SLC13A5: variants seen among roughly 807,000 people sequenced by gnomAD.
The protein encoded by SLC13A5 is solute carrier family 13 member 5.
SLC13A5 carries 25 observed loss-of-function variants against 56.5 expected under a neutral mutation model. The observed-to-expected ratio is 0.44, with a 90% CI of 0.32 to 0.62. The LOEUF is 0.62. Among genes scored for constraint, SLC13A5 ranks in the 20% least tolerant of loss-of-function variants. The probability of loss-of-function intolerance (pLI) is 0.04; values close to 1 mark genes in which losing one functional copy is unlikely to be tolerated. For synonymous variants in SLC13A5, 307 were observed against 301.5 expected, an observed-to-expected ratio of 1.02 and a Z score of -0.19; for missense variants, 649 against 737.8, an observed-to-expected ratio of 0.88 and a Z score of 1.39.
intron 10 of SLC13A5, chr17:6,690,153 A>T (rs1219769600): frequency 6.7e-6 from 1 of 149,912 alleles, no homozygotes; most frequent in Non-Finnish European, 1.5e-5. Context: ...ACTCAAAAAC[A>T]TGCTAGTCCA....
chr17:6,703,505 G>A (rs1225991897), intron 4 of SLC13A5, among the ~76,000 whole-genome samples: 2 of 152,208 alleles, frequency 1.3e-5, no homozygotes, highest in East Asian at 3.9e-4. Flanking sequence ...AGCAGAGAGT[G>A]GAAGGATTTG....
chr17:6,685,436 C>G lies in SLC13A5; in HGVS notation c.*771G>C, dbSNP rs1973215873. The G allele has an allele frequency of 6.6e-6, 1 of 152,256 alleles. No individual in the cohort carries two copies. Among genetic ancestry groups the G allele is most frequent in the South Asian group, 2.1e-4 (1 of 4,832 alleles). The allele number at this position is 152,256 out of a possible 1,614,324, so 9.4% of individuals were successfully genotyped here. A position where few individuals can be genotyped will look rare whatever the true frequency, so the allele number is the denominator to read the frequency against. On this transcript the variant is annotated 3_prime_UTR_variant, in exon 12 of 12. Transcript: ENST00000433363. The surrounding 1 kb of genome is among the most constrained non-coding windows in gnomAD (Gnocchi z 4.2). ...CCAAGGCGTCTCGGCAAATGTTGAC[C>G]CAGACAACAGGGGACCAAGGAGTTG... is the stretch of plus-strand genomic sequence containing the variant.
chr17:6,709,834 C>T (rs1261129598), intron 1 of SLC13A5, among the ~76,000 whole-genome samples: 3 of 152,166 alleles, frequency 2.0e-5, no homozygotes, highest in Admixed American at 1.3e-4. Context: ...CCCTCAGCCT[C>T]GGCACACTGA....
At chr17:6,693,341 T>C (rs191618414) in intron 8 of SLC13A5, 179 bp from the exon 9 acceptor site, 12 of 555,848 alleles carry the variant, frequency 2.2e-5, no homozygotes, top group African/African-American at 5.7e-5. Context: ...CAATAATATA[T>C]ACATTGCTGG....
chr17:6,703,238 A>G, intron 4 of SLC13A5, 100 bp from the exon 5 acceptor site: 1 of 1,446,298 alleles, frequency 6.9e-7, no homozygotes, highest in South Asian at 1.3e-5. Flanking sequence ...GGGAAATCCC[A>G]GCTCTGCTGA....
In SLC13A5 at chr17:6,713,036, C is replaced by A. The variant is rs931785173; in HGVS notation, c.102+196G>T. On this transcript the variant is annotated intron_variant, in intron 1 of 11. Coordinates refer to ENST00000433363, the MANE Select transcript of SLC13A5 (RefSeq NM_177550.5). This position sits in a 1 kb window ranked among gnomAD's most constrained non-coding sequence, Gnocchi z 7.3. ...CTGTAAACCCCAAGGGTGGTGCGCC[C>A]TGGGGTCGCCATGCCCCTCAGATTC... 2.0e-5 allele frequency among the ~76,000 whole-genome samples: 3 copies of A among 152,184 alleles called. No individual in the cohort carries two copies. Among genetic ancestry groups the A allele is most frequent in the Admixed American group, 2.0e-4 (3 of 15,286 alleles).
intron 3 of SLC13A5, among the ~76,000 whole-genome samples, chr17:6,706,046 T>G (rs978521542): frequency 6.6e-6 from 1 of 152,152 alleles, no homozygotes; most frequent in Non-Finnish European, 1.5e-5. Flanking sequence ...TTGTAGACAC[T>G]CAATATACCC....
intron 3 of SLC13A5, chr17:6,705,596 G>T (rs1301069841): frequency 6.6e-6 from 1 of 152,208 alleles, no homozygotes; most frequent in Admixed American, 6.5e-5. Context: ...ATGTGTAACA[G>T]ATCAGAGAGC....
intron 8 of SLC13A5, chr17:6,693,421 C>T: frequency 3.1e-6 from 1 of 324,252 alleles, no homozygotes; most frequent in Non-Finnish European, 5.6e-6. Context: ...TTTTGAAAAG[C>T]AATTTGGCCA....
intron 1 of SLC13A5, among the ~76,000 whole-genome samples, chr17:6,708,567 A>AACATC (rs1209526737): frequency 6.6e-6 from 1 of 152,272 alleles, no homozygotes; most frequent in Non-Finnish European, 1.5e-5. Flanking sequence ...TGGTCACAAA[A>AACATC]ACATCACGGA....
At chr17:6,694,052 A>G (rs1402954926) in intron 8 of SLC13A5, 45 bp downstream of exon 8, 1 of 1,372,266 alleles carries the variant, frequency 7.3e-7, no homozygotes, top group Non-Finnish European at 1.0e-6. Context: ...CTTTGGTTCC[A>G]GGGCTCCAGT....
Position 6,687,654 on chromosome 17 carries a change from C to G in SLC13A5, c.1450G>C (p.Gly484Arg), listed in dbSNP as rs779942374. The G allele has an allele frequency of 6.2e-7, 1 of 1,602,738 alleles. No homozygotes were observed. The highest frequency in any genetic ancestry group is 8.5e-7 in the Non-Finnish European group (1 of 1,175,188). ...PIFASMSRSI[G>R]LNPLYIMLPC... ...AGCATGATGTACAGCGGATTGAGGCCGATGGAGCGAGACTGCGGAAAAACA... is the reference window on the plus strand; with the variant it reads ...AGCATGATGTACAGCGGATTGAGGCGGATGGAGCGAGACTGCGGAAAAACA... Residue 484 changes from glycine (G) to arginine (R), a missense_variant, in exon 11 of 12, where the codon GGC (glycine) becomes CGC (arginine). Gly to Arg is a moderately radical substitution (Grantham distance 125). Transcript: ENST00000433363. This position sits in a 1 kb window ranked among gnomAD's most constrained non-coding sequence, Gnocchi z 5.0.
At chr17:6,693,787 G>A (rs563216506) in intron 8 of SLC13A5, among the ~76,000 whole-genome samples, 2 of 152,342 alleles carry the variant, frequency 1.3e-5, no homozygotes, top group South Asian at 4.1e-4. Flanking sequence ...CAAAGACTGG[G>A]AGGAAGAGAG....
At chr17:6,700,821 A>C (rs1597668320) in intron 6 of SLC13A5, among the ~76,000 whole-genome samples, 183 bp downstream of exon 6, 1 of 152,316 alleles carries the variant, frequency 6.6e-6, no homozygotes, top group African/African-American at 2.4e-5. Context: ...CCACGTGTGC[A>C]CAAAGCTCAG....
At position 6,711,332 on chromosome 17, in the gene SLC13A5, G is replaced by A. The variant is rs11867893; in HGVS notation, c.102+1900C>T. On this transcript the variant is annotated intron_variant, in intron 1 of 11. Transcript: ENST00000433363. This position sits in a 1 kb window ranked among gnomAD's most constrained non-coding sequence, Gnocchi z 4.0. ...CCCAACCCCGCCAGAAGGAAAGCTCGTGAAGGCAGCCTTTGGAAGGACTCT... is the reference window on the plus strand; with the variant it reads ...CCCAACCCCGCCAGAAGGAAAGCTCATGAAGGCAGCCTTTGGAAGGACTCT... Among the ~76,000 whole-genome samples, 1,408 of 152,222 alleles carry A rather than the reference G, an allele frequency of 9.2e-3. 19 individuals are homozygous for A. The highest frequency in any genetic ancestry group is 0.032 in the African/African-American group (1,337 of 41,522).
intron 6 of SLC13A5, 126 bp downstream of exon 6, chr17:6,700,878 C>G: frequency 1.4e-6 from 2 of 1,390,626 alleles, no homozygotes; most frequent in Admixed American, 3.9e-5. Flanking sequence ...TAGCAGGAGA[C>G]AGGGCTGGAG....
chr17:6,709,363 A>G (rs60508831), intron 1 of SLC13A5, among the ~76,000 whole-genome samples: 31,925 of 151,870 alleles, frequency 0.21, 3,744 homozygotes, highest in East Asian at 0.34. Flanking sequence ...TCTACCTCCC[A>G]GGTTCAAGCG....
intron 1 of SLC13A5, among the ~76,000 whole-genome samples, chr17:6,707,976 T>G (rs201232402): frequency 1.9e-3 from 247 of 130,416 alleles, no homozygotes; most frequent in Middle Eastern, 0.012. Context: ...TCAGTATTTT[T>G]TGTGTGTGTG....
intron 6 of SLC13A5, among the ~76,000 whole-genome samples, chr17:6,700,718 G>T (rs1384207706): frequency 6.6e-6 from 1 of 152,180 alleles, no homozygotes. Flanking sequence ...GAGATGGAAT[G>T]GGGGTGGGGA....
Sources: allele counts gnomAD v4.1 joint callset (sites outside exome capture counted in the v4.1 genomes callset), GRCh38; gene constraint gnomAD v4.1.1; non-coding constraint Gnocchi (gnomAD v3.1); transcripts MANE v1.5; gene names NCBI Gene and HGNC (gene_info 2026-07-23, HGNC 2026-07-21).